Variants in GRM8 observed in about 807,000 individuals in gnomAD.
GRM8 encodes the protein glutamate metabotropic receptor 8, also known as metabotropic glutamate receptor 8.
GRM8 carries 47 observed loss-of-function variants against 87.2 expected under a neutral mutation model. That is an observed-to-expected ratio of 0.54 (90% confidence interval 0.43 to 0.69). The LOEUF is 0.69. Among genes scored for constraint, GRM8 ranks in the 30% least tolerant of loss-of-function variants. The pLI is 0.00. For synonymous variants in GRM8, 396 were observed against 404.5 expected, an observed-to-expected ratio of 0.98 and a Z score of 0.25; for missense variants, 1,019 against 1,139.2, an observed-to-expected ratio of 0.89 and a Z score of 1.52.
intron 2 of GRM8, among the ~76,000 whole-genome samples, chr7:127,112,553 CTTCCATG>C (rs534705730): frequency 1.9e-3 from 292 of 152,320 alleles, no homozygotes; most frequent in Non-Finnish European, 3.3e-3. Flanking sequence ...TTGTTATTTT[CTTCCATG>C]TATCCTAACT....
rs113410602 is a variant in GRM8, at chr7:126,982,127, C to T, written c.728-77444G>A. Reference sequence around the variant, plus strand: ...TCCCAAAGCTGAAGAATTTGCAGTCCGACGTTCAAGGGCAGGGAGCATCCA... The same window carrying T: ...TCCCAAAGCTGAAGAATTTGCAGTCTGACGTTCAAGGGCAGGGAGCATCCA... On this transcript the variant is annotated intron_variant, in intron 3 of 10. Coordinates refer to ENST00000339582, the MANE Select transcript of GRM8 (RefSeq NM_000845.3). 8.5e-3 allele frequency among the ~76,000 whole-genome samples: 1,286 copies of T among 152,112 alleles called. 11 individuals are homozygous for T. Among genetic ancestry groups the T allele is most frequent in the African/African-American group, 0.029 (1,188 of 41,500 alleles).
At chr7:126,816,390 G>C (rs1793789934) in intron 6 of GRM8, among the ~76,000 whole-genome samples, 1 of 152,124 alleles carries the variant, frequency 6.6e-6, no homozygotes, top group Non-Finnish European at 1.5e-5. Flanking sequence ...CATTTAGGTA[G>C]TTTTAATTTA....
At chr7:127,160,783 A>ACCCCCCCCCCC (rs34862740) in intron 2 of GRM8, among the ~76,000 whole-genome samples, 1 of 140,588 alleles carries the variant, frequency 7.1e-6, no homozygotes, top group African/African-American at 2.6e-5. Context: ...GATAGAGGTC[A>ACCCCCCCCCCC]CCCCCCTCCC....
At chr7:126,546,921 C>A (rs1386904479) in intron 8 of GRM8, among the ~76,000 whole-genome samples, 3 of 152,172 alleles carry the variant, frequency 2.0e-5, no homozygotes, top group African/African-American at 7.2e-5. Context: ...AGGCACCTGG[C>A]ACAGTTGGTA....
At position 126,638,721 on chromosome 7, in the gene GRM8, T is replaced by C. The variant is rs535764510; in HGVS notation, c.1358-29223A>G. Among the ~76,000 whole-genome samples, 64 of 152,304 alleles carry C rather than the reference T, an allele frequency of 4.2e-4. 1 individual carries two copies. Among genetic ancestry groups the C allele is most frequent in the African/African-American group, 1.4e-3 (60 of 41,564 alleles). On this transcript the variant is annotated intron_variant, in intron 7 of 10. Transcript: ENST00000339582. ...CGCCTGTGATGTAACTTAGTCTATC[T>C]TGCTTCTTAGGTGTATTTATAGAAG... is the stretch of plus-strand genomic sequence containing the variant.
chr7:127,019,297 A>C (rs1392839284), intron 3 of GRM8, among the ~76,000 whole-genome samples: 1 of 152,098 alleles, frequency 6.6e-6, no homozygotes, highest in South Asian at 2.1e-4. Flanking sequence ...ACATCATAAC[A>C]TTGTCCTTAA....
intron 3 of GRM8, among the ~76,000 whole-genome samples, chr7:127,058,507 G>T (rs572714612): frequency 9.9e-5 from 15 of 150,956 alleles, no homozygotes; most frequent in African/African-American, 3.6e-4. Flanking sequence ...TTTTTCCCAG[G>T]CCCTAAAATA....
At chr7:127,123,331 G>T (rs977807323) in intron 2 of GRM8, among the ~76,000 whole-genome samples, 1 of 152,252 alleles carries the variant, frequency 6.6e-6, no homozygotes, top group East Asian at 1.9e-4. Context: ...GGGCATAATG[G>T]GCGGTGTTTG....
chr7:126,844,503 A>G (rs537686201), intron 6 of GRM8, among the ~76,000 whole-genome samples: 1 of 152,298 alleles, frequency 6.6e-6, no homozygotes, highest in South Asian at 2.1e-4. Context: ...CCTCACAATG[A>G]TCTTGTGAAG....
At chr7:126,584,433 C>T (rs1795904977) in intron 8 of GRM8, among the ~76,000 whole-genome samples, 1 of 152,108 alleles carries the variant, frequency 6.6e-6, no homozygotes, top group Admixed American at 6.6e-5. Flanking sequence ...CCTTAATGTG[C>T]ATGTCTGACA....
chr7:126,956,649 G>A (rs1808717708), intron 3 of GRM8, among the ~76,000 whole-genome samples: 1 of 152,122 alleles, frequency 6.6e-6, no homozygotes, highest in Non-Finnish European at 1.5e-5. Context: ...CCCTTAAAAT[G>A]AAGAGAGAAC....
chr7:126,556,703 C>T (rs1001968781), intron 8 of GRM8, among the ~76,000 whole-genome samples: 3 of 151,976 alleles, frequency 2.0e-5, no homozygotes, highest in Non-Finnish European at 2.9e-5. Flanking sequence ...CTCTTTTTCA[C>T]GAGAGAACCT....
intron 3 of GRM8, among the ~76,000 whole-genome samples, chr7:127,076,570 T>C (rs916610): frequency 0.3 from 44,952 of 151,986 alleles, 7,060 homozygotes; most frequent in Non-Finnish European, 0.36. Flanking sequence ...CATTCTTCTC[T>C]TTTATTCCTT....
intron 2 of GRM8, among the ~76,000 whole-genome samples, chr7:127,166,996 T>C (rs978674910): frequency 1.3e-5 from 2 of 152,158 alleles, no homozygotes; most frequent in African/African-American, 4.8e-5. Context: ...TCTGCAAGCA[T>C]GAGTTGAATT....
rs370547634 is a variant in GRM8, at chr7:127,201,159, G to A, written c.510+41536C>T. Among the ~76,000 whole-genome samples the A allele has an allele frequency of 6.7e-4, 102 of 152,288 alleles. No homozygotes were observed. In the Middle Eastern group the frequency reaches 0.01, roughly 15 times the overall value. Reference sequence around the variant, plus strand: ...GCAGGGTGACTGGTCTCTTTTTACAGATAAAGTGAGGGAGAAGGGAAGGAA... The same window carrying A: ...GCAGGGTGACTGGTCTCTTTTTACAAATAAAGTGAGGGAGAAGGGAAGGAA... On this transcript the variant is annotated intron_variant, in intron 2 of 10. Transcript: ENST00000339582.
rs201754243 is a variant in GRM8, at chr7:126,713,332, AAACT to A, written c.1357+56529_1357+56532del. Among the ~76,000 whole-genome samples, 10 of 151,646 alleles carry A rather than the reference AAACT, an allele frequency of 6.6e-5. No homozygotes were observed. In the East Asian group the frequency reaches 1.9e-3, roughly 29 times the overall value. On this transcript the variant is annotated intron_variant, in intron 7 of 10. Transcript: ENST00000339582. ...GAAGCTGGGTACCATCATTCTCAGC[AAACT>A]AACACAAGAACAGAAAACCAAATAC...
At chr7:127,165,143 TATATATATATATATATATATA>T (rs1793363026) in intron 2 of GRM8, among the ~76,000 whole-genome samples, 1 of 6,704 alleles carries the variant, frequency 1.5e-4, no homozygotes, top group African/African-American at 1.6e-3. Flanking sequence ...TGTAAACAGA[TATATATATATATATATATATA>T]TATATATATA....
intron 2 of GRM8, among the ~76,000 whole-genome samples, chr7:127,176,954 A>G (rs1794144337): frequency 6.6e-6 from 1 of 152,076 alleles, no homozygotes; most frequent in Admixed American, 6.6e-5. Flanking sequence ...GGAGGAAGAA[A>G]ATCTCTAGCT....
At chr7:127,002,241 C>G (rs1167920447) in intron 3 of GRM8, among the ~76,000 whole-genome samples, 2 of 151,598 alleles carry the variant, frequency 1.3e-5, no homozygotes, top group Non-Finnish European at 3.0e-5. Context: ...ATACCCATTA[C>G]TGAATCTACA....
Sources: gnomAD v4.1 joint callset for allele counts (sites outside exome capture counted in the v4.1 genomes callset) on GRCh38, gnomAD v4.1.1 for gene constraint, MANE v1.5 for transcripts, NCBI Gene and HGNC (gene_info 2026-07-23, HGNC 2026-07-21) for gene names.